The following UBE4B variants were observed in gnomAD, a reference collection of about 807,000 sequenced individuals.
The protein encoded by UBE4B is ubiquitination factor E4B.
In UBE4B, 27 loss-of-function variants were observed where a neutral mutation model predicts 148.1. The observed-to-expected ratio is 0.18, with a 90% confidence interval of 0.13 to 0.25. The LOEUF is 0.25. Among genes scored for constraint, UBE4B ranks in the 10% least tolerant of loss-of-function variants. The pLI is 1.00. For synonymous variants in UBE4B, 596 were observed against 619.3 expected (o/e 0.96, Z 0.56); for missense variants, 1,170 against 1,662.4 (o/e 0.70, Z 5.15).
At chr1:10,162,843 A>G (rs751968740) in intron 23 of UBE4B, among the ~76,000 whole-genome samples, 4 of 151,802 alleles carry the variant, frequency 2.6e-5, no homozygotes, top group Non-Finnish European at 4.4e-5. Context: ...ATGTGTACCA[A>G]TGTTTAGCTC....
intron 7 of UBE4B, among the ~76,000 whole-genome samples, chr1:10,112,894 A>G (rs1314254388): frequency 1.3e-5 from 2 of 152,186 alleles, no homozygotes; most frequent in Non-Finnish European, 2.9e-5. Flanking sequence ...ATAATTTTGA[A>G]ACACATTGAC....
intron 17 of UBE4B, among the ~76,000 whole-genome samples, chr1:10,141,199 G>C (rs1194507876): frequency 1.3e-5 from 2 of 152,186 alleles, no homozygotes; most frequent in East Asian, 3.8e-4. Flanking sequence ...CTCGGAACCT[G>C]TGAATATGTT....
At chr1:10,044,094 A>G (rs1363784690) in intron 1 of UBE4B, among the ~76,000 whole-genome samples, 2 of 151,728 alleles carry the variant, frequency 1.3e-5, no homozygotes, top group East Asian at 3.9e-4. Flanking sequence ...GCTGGAGTGC[A>G]GTGGCAGGAT....
intron 17 of UBE4B, 104 bp from the exon 18 acceptor site, chr1:10,144,836 C>T (rs551613550): frequency 1.2e-5 from 9 of 724,342 alleles, no homozygotes; most frequent in African/African-American, 1.8e-5. Context: ...TGTTACAATG[C>T]GAAAACAAAC....
intron 2 of UBE4B, among the ~76,000 whole-genome samples, chr1:10,080,759 C>T (rs1459831061): frequency 6.6e-6 from 1 of 152,276 alleles, no homozygotes; most frequent in East Asian, 1.9e-4. Context: ...TCATTTGTGG[C>T]AACATGGATG....
chr1:10,119,350 A>G (rs1645373812), intron 8 of UBE4B, among the ~76,000 whole-genome samples, 163 bp from the exon 9 acceptor site: 1 of 152,238 alleles, frequency 6.6e-6, no homozygotes, highest in South Asian at 2.1e-4. Context: ...CTGCAGAGGC[A>G]GTACACTTGG....
intron 17 of UBE4B, among the ~76,000 whole-genome samples, chr1:10,144,265 T>G (rs1321262109): frequency 6.6e-6 from 1 of 152,196 alleles, no homozygotes; most frequent in Non-Finnish European, 1.5e-5. Context: ...AATAGCCTTT[T>G]GTTTTGGGTA....
chr1:10,123,004 G>A (rs775766500), intron 10 of UBE4B, among the ~76,000 whole-genome samples: 8 of 152,298 alleles, frequency 5.3e-5, no homozygotes, highest in Non-Finnish European at 1.2e-4. Flanking sequence ...AAAAATTCCA[G>A]TTAGTGTTGT....
chr1:10,071,341 G>A (rs545537364), intron 1 of UBE4B, among the ~76,000 whole-genome samples: 1 of 152,288 alleles, frequency 6.6e-6, no homozygotes, highest in East Asian at 1.9e-4. Flanking sequence ...TAGTACTCTG[G>A]GAGGCCAAGG....
chr1:10,119,645 C>T (rs775710309), intron 9 of UBE4B, 32 bp downstream of exon 9: 2 of 1,595,250 alleles, frequency 1.3e-6, no homozygotes, highest in Non-Finnish European at 1.7e-6. Context: ...TTGACATTAG[C>T]AGGCAGAGAG....
chr1:10,056,266 T>C (rs1431267619), intron 1 of UBE4B, among the ~76,000 whole-genome samples: 2 of 152,174 alleles, frequency 1.3e-5, no homozygotes, highest in African/African-American at 4.8e-5. Context: ...TACACACTCG[T>C]ATTATTTAGA....
chr1:10,112,443 G>C (rs374849377), intron 7 of UBE4B, among the ~76,000 whole-genome samples: 2 of 151,784 alleles, frequency 1.3e-5, no homozygotes, highest in African/African-American at 4.8e-5. Context: ...TCTGTCTCCC[G>C]GGCTGGAGTG....
intron 19 of UBE4B, among the ~76,000 whole-genome samples, 172 bp downstream of exon 19, chr1:10,147,262 G>A (rs1645890279): frequency 6.6e-6 from 1 of 152,162 alleles, no homozygotes. Flanking sequence ...GGAGGCTGAG[G>A]CAGATGGATA....
Position 10,168,240 on chromosome 1 carries a change from G to C in UBE4B, c.3303G>C (p.Thr1101=), listed in dbSNP as rs768716008. The stretch of plus-strand genomic sequence containing the variant: ...CCGTGGACATGTTCCACATCCTCAC[G>C]AAGCAGGTCCAGAAGCCCTTCCTCA... ...TETVDMFHIL[T]KQVQKPFLRP... The change falls in exon 24 of 28, where the codon ACG becomes ACC. Residue 1101 remains threonine, a synonymous_variant. Transcript: ENST00000343090. This position sits in a 1 kb window ranked among gnomAD's most constrained non-coding sequence, Gnocchi z 4.9. 6.2e-7 allele frequency: 1 copy of C among 1,614,074 alleles called. No individual in the cohort carries two copies. Among genetic ancestry groups the C allele is most frequent in the Non-Finnish European group, 8.5e-7 (1 of 1,180,018 alleles).
Position 10,060,357 on chromosome 1 carries a change from C to T in UBE4B, c.25-11671C>T, listed in dbSNP as rs529272741. 2.0e-4 allele frequency among the ~76,000 whole-genome samples: 30 copies of T among 152,184 alleles called. No individual in the cohort carries two copies. The South Asian group carries it at 5.4e-3, about 27-fold the overall frequency. On this transcript the variant is annotated intron_variant, in intron 1 of 27. Transcript: ENST00000343090. Reference sequence around the variant, plus strand: ...TGTACTGCATGTAACTATACTGAATCCTGTGGGCAGTTGTACAATAACAGT... The same window carrying T: ...TGTACTGCATGTAACTATACTGAATTCTGTGGGCAGTTGTACAATAACAGT...
chr1:10,175,058 A>G (rs1443621838), intron 25 of UBE4B, among the ~76,000 whole-genome samples: 1 of 152,150 alleles, frequency 6.6e-6, no homozygotes. Flanking sequence ...CTCCCTCTAT[A>G]CCAAGAGTAG....
intron 25 of UBE4B, among the ~76,000 whole-genome samples, chr1:10,175,955 C>T (rs1320757062): frequency 6.6e-6 from 1 of 152,120 alleles, no homozygotes; most frequent in African/African-American, 2.4e-5. Flanking sequence ...ATGTATCACC[C>T]CAAAAGGAAA....
chr1:10,049,827 G>A (rs1317141049), intron 1 of UBE4B, among the ~76,000 whole-genome samples: 4 of 151,002 alleles, frequency 2.6e-5, no homozygotes, highest in African/African-American at 9.8e-5. Context: ...CAGGTCCAGG[G>A]TGCAGTGAGC....
At position 10,161,993 on chromosome 1, in the gene UBE4B, C is replaced by T. The variant is rs1646168167; in HGVS notation, c.3198+707C>T. 6.9e-6 allele frequency among the ~76,000 whole-genome samples: 1 copy of T among 145,552 alleles called. No individual in the cohort carries two copies. Among genetic ancestry groups the T allele is most frequent in the Non-Finnish European group, 1.5e-5 (1 of 65,380 alleles). On this transcript the variant is annotated intron_variant, in intron 23 of 27. Transcript: ENST00000343090. This position sits in a 1 kb window ranked among gnomAD's most constrained non-coding sequence, Gnocchi z 4.1. ...CAAAGTGGGGACTGCTTTTTCTTCA[C>T]TTTTTCTTTTTTTTTTTTTTTTGAG... is the stretch of plus-strand genomic sequence containing the variant.
Sources: gnomAD v4.1 joint callset for allele counts (sites outside exome capture counted in the v4.1 genomes callset) on GRCh38, gnomAD v4.1.1 for gene constraint, Gnocchi (gnomAD v3.1) non-coding constraint, MANE v1.5 for transcripts, NCBI Gene and HGNC (gene_info 2026-07-23, HGNC 2026-07-21) for gene names.